Variants in HTT-AS observed in about 807,000 individuals in gnomAD.
HTT-AS encodes HTT antisense RNA (head to head).
intron 2 of HTT-AS, among the ~76,000 whole-genome samples, chr4:3,055,034 T>G (rs765013280): frequency 6.6e-6 from 1 of 152,000 alleles, no homozygotes; most frequent in Non-Finnish European, 1.5e-5. Context: ...CTTAAAGCAC[T>G]GTTCTGCTCT....
At chr4:3,068,109 T>A (rs556416297) in intron 1 of HTT-AS, among the ~76,000 whole-genome samples, 1 of 151,098 alleles carries the variant, frequency 6.6e-6, no homozygotes, top group East Asian at 1.9e-4. Context: ...ACCAAGACCA[T>A]CCTGGCTAAC....
intron 1 of HTT-AS, among the ~76,000 whole-genome samples, chr4:3,073,817 CAG>C (rs1712269924): frequency 6.6e-6 from 1 of 152,012 alleles, no homozygotes; most frequent in South Asian, 2.1e-4. Context: ...TCTCCCCGTG[CAG>C]AGAGCCCCGC....
chr4:3,051,030 TTGTGTGTGTGTGTGTGTGTG>T (rs59615689), intron 2 of HTT-AS, among the ~76,000 whole-genome samples: 54 of 122,552 alleles, frequency 4.4e-4, no homozygotes, highest in African/African-American at 8.2e-4. Context: ...CCCTTACAAT[TTGTGTGTGTGTGTGTGTGTG>T]TGTGTGTGTG....
intron 1 of HTT-AS, among the ~76,000 whole-genome samples, chr4:3,074,049 C>G (rs1712299840): frequency 6.9e-6 from 1 of 145,900 alleles, no homozygotes; most frequent in African/African-American, 2.5e-5. Flanking sequence ...CATGGGCGAG[C>G]CCCTCCATGG....
At chr4:3,059,234 G>A (rs2110122158) in intron 2 of HTT-AS, among the ~76,000 whole-genome samples, 1 of 152,304 alleles carries the variant, frequency 6.6e-6, no homozygotes, top group South Asian at 2.1e-4. Flanking sequence ...TTCAAACTGT[G>A]TTCGGAGAAG....
chr4:3,051,657 A>G (rs887433510), intron 2 of HTT-AS, among the ~76,000 whole-genome samples: 3 of 151,642 alleles, frequency 2.0e-5, no homozygotes, highest in Non-Finnish European at 4.4e-5. Flanking sequence ...ATGAATTAAA[A>G]AAAAAAAAAT....
intron 1 of HTT-AS, among the ~76,000 whole-genome samples, chr4:3,067,283 GAGA>G (rs1392822880): frequency 1.3e-5 from 2 of 152,148 alleles, no homozygotes; most frequent in African/African-American, 2.4e-5. Flanking sequence ...GAGAGAGAAG[GAGA>G]AGAACAGAAG....
At chr4:3,072,907 C>T (rs914208932) in intron 1 of HTT-AS, among the ~76,000 whole-genome samples, 5 of 152,148 alleles carry the variant, frequency 3.3e-5, no homozygotes, top group Admixed American at 1.3e-4. Flanking sequence ...GGATTACAGG[C>T]GTGAGCCACC....
intron 1 of HTT-AS, among the ~76,000 whole-genome samples, chr4:3,064,781 CA>C (rs1299987629): frequency 6.6e-6 from 1 of 152,134 alleles, no homozygotes; most frequent in African/African-American, 2.4e-5. Flanking sequence ...TCTAGAAAAA[CA>C]AAACTTCCCA....
At chr4:3,073,752 C>G (rs1712264429) in intron 1 of HTT-AS, among the ~76,000 whole-genome samples, 1 of 152,240 alleles carries the variant, frequency 6.6e-6, no homozygotes, top group African/African-American at 2.4e-5. Flanking sequence ...TTGGGGTCCT[C>G]AGGTCGTGCC....
chr4:3,070,856 G>C (rs1712159246), intron 1 of HTT-AS, among the ~76,000 whole-genome samples: 1 of 152,164 alleles, frequency 6.6e-6, no homozygotes, highest in African/African-American at 2.4e-5. Flanking sequence ...GTTTGCATAG[G>C]ATAAATTACG....
chr4:3,073,742 T>A (rs2110126922), intron 1 of HTT-AS, among the ~76,000 whole-genome samples: 1 of 152,300 alleles, frequency 6.6e-6, no homozygotes. Flanking sequence ...GGGGTCACAC[T>A]TGGGGTCCTC....
chr4:3,069,123 C>A (rs1489497882), intron 1 of HTT-AS, among the ~76,000 whole-genome samples: 3 of 151,438 alleles, frequency 2.0e-5, no homozygotes, highest in Non-Finnish European at 4.4e-5. Context: ...TCTAGGGTGA[C>A]CATGAAAAGA....
intron 1 of HTT-AS, among the ~76,000 whole-genome samples, chr4:3,072,908 G>A (rs1419181267): frequency 2.0e-5 from 3 of 152,166 alleles, no homozygotes; most frequent in Non-Finnish European, 4.4e-5. Context: ...GATTACAGGC[G>A]TGAGCCACCG....
chr4:3,069,098 A>G (rs1712113176), intron 1 of HTT-AS, among the ~76,000 whole-genome samples: 1 of 152,016 alleles, frequency 6.6e-6, no homozygotes, highest in East Asian at 1.9e-4. Context: ...TACCTGGAGG[A>G]TGAATGTTGT....
At chr4:3,053,885 G>A (rs1015125118) in intron 2 of HTT-AS, among the ~76,000 whole-genome samples, 11 of 151,068 alleles carry the variant, frequency 7.3e-5, no homozygotes, top group South Asian at 2.1e-4. Context: ...TCAGCCTCCC[G>A]AGTAGCTTGG....
intron 2 of HTT-AS, among the ~76,000 whole-genome samples, chr4:3,060,419 C>T (rs1711902919): frequency 6.6e-6 from 1 of 152,134 alleles, no homozygotes; most frequent in Admixed American, 6.5e-5. Flanking sequence ...TCAAGTGATC[C>T]TTCCACCTCT....
chr4:3,074,544 C>T (rs1712346473), upstream of HTT-AS: 1 of 325,640 alleles, frequency 3.1e-6, no homozygotes. Context: ...GGGGCAGGGG[C>T]GGGCTGGTTC....
chr4:3,074,164 TCCGCCCCTCAGCCGCC>T lies in HTT-AS; in HGVS notation n.113+246_113+261del, dbSNP rs1208877975. Among the ~76,000 whole-genome samples, 22 of 105,276 alleles carry T rather than the reference TCCGCCCCTCAGCCGCC, an allele frequency of 2.1e-4. No homozygotes were observed. The East Asian group carries it at 5.4e-3, about 26-fold the overall frequency. The allele number at this position is 105,276 out of a possible 152,430, so 69.1% of individuals were successfully genotyped here. A position where few individuals can be genotyped will look rare whatever the true frequency, so the allele number is the denominator to read the frequency against. On this transcript the variant is annotated intron_variant and non_coding_transcript_variant, in intron 1 of 2. Coordinates refer to ENST00000664062, the Ensembl canonical transcript of HTT-AS. ...CGGCCAGTCCCCTCCCCTATCCCGCTCCGCCCCTCAGCCGCCCCGCCCCTCAGCCGGCCTGCCTAAT... is the reference window on the plus strand; with the variant it reads ...CGGCCAGTCCCCTCCCCTATCCCGCTCCGCCCCTCAGCCGGCCTGCCTAAT...
Sources: allele counts gnomAD v4.1 joint callset (sites outside exome capture counted in the v4.1 genomes callset), GRCh38; gene constraint gnomAD v4.1.1; transcripts MANE v1.5; gene names NCBI Gene and HGNC (gene_info 2026-07-23, HGNC 2026-07-21).